The following CA5A variants were observed in gnomAD, a reference collection of about 807,000 sequenced individuals.
CA5A encodes carbonic anhydrase 5A, mitochondrial.
A neutral mutation model predicts 37.1 loss-of-function variants in CA5A; 28 were observed. The ratio of observed to expected loss-of-function variants is 0.75; its 90% CI spans 0.56 to 1.03. The LOEUF (loss-of-function observed/expected upper bound fraction) is 1.03. Ranked by LOEUF, CA5A falls within the 50% of genes least tolerant of loss-of-function variation. The probability of loss-of-function intolerance (pLI) is 0.00; values close to 1 mark genes in which losing one functional copy is unlikely to be tolerated. For missense variants in CA5A, 444 were observed against 399.9 expected (o/e 1.11, Z -0.94); for synonymous variants, 171 against 158.4 (o/e 1.08, Z -0.60).
At chr16:87,919,361 G>A (rs13338759) in intron 2 of CA5A, among the ~76,000 whole-genome samples, 2,380 of 152,330 alleles carry the variant, frequency 0.016, 60 homozygotes, top group African/African-American at 0.052. Context: ...CTCCAGGCGG[G>A]GTCACCCTCG....
intron 3 of CA5A, among the ~76,000 whole-genome samples, chr16:87,903,746 A>T (rs1375240690): frequency 6.6e-6 from 1 of 152,218 alleles, no homozygotes; most frequent in Non-Finnish European, 1.5e-5. Flanking sequence ...TTCAAAAAAC[A>T]GAAAGAGTCC....
At chr16:87,918,526 C>T (rs2056186888) in intron 2 of CA5A, among the ~76,000 whole-genome samples, 1 of 152,176 alleles carries the variant, frequency 6.6e-6, no homozygotes, top group Non-Finnish European at 1.5e-5. Flanking sequence ...CCCCCAGCTC[C>T]TAGGAAAACT....
At chr16:87,906,287 T>C (rs1296288732) in intron 2 of CA5A, among the ~76,000 whole-genome samples, 1 of 151,884 alleles carries the variant, frequency 6.6e-6, no homozygotes, top group African/African-American at 2.4e-5. Context: ...GCGTGATGAA[T>C]GCCTTGGGGA....
downstream of CA5A, chr16:87,884,202 G>A (rs2055630339): frequency 7.0e-6 from 1 of 143,730 alleles, no homozygotes; most frequent in Admixed American, 7.0e-5. Context: ...GATCACCTGA[G>A]GTCAGGAGTT....
chr16:87,900,889 C>T (rs1256234255), intron 5 of CA5A, among the ~76,000 whole-genome samples: 1 of 152,206 alleles, frequency 6.6e-6, no homozygotes, highest in Non-Finnish European at 1.5e-5. Flanking sequence ...TACCATCACC[C>T]AGGACAAGGC....
intron 2 of CA5A, among the ~76,000 whole-genome samples, chr16:87,909,424 A>G (rs1323991105): frequency 6.6e-6 from 1 of 152,168 alleles, no homozygotes; most frequent in South Asian, 2.1e-4. Flanking sequence ...ATGAGGAGGG[A>G]AGCGAAACGT....
intron 5 of CA5A, among the ~76,000 whole-genome samples, chr16:87,900,089 T>G (rs1968450632): frequency 6.6e-6 from 1 of 152,040 alleles, no homozygotes; most frequent in Admixed American, 6.6e-5. Flanking sequence ...AAATTCTGAC[T>G]TACCCCATGG....
chr16:87,936,263 A>G (rs1295114353), intron 1 of CA5A, 46 bp downstream of exon 1: 2 of 1,402,184 alleles, frequency 1.4e-6, no homozygotes, highest in Non-Finnish European at 2.0e-6. Context: ...CCATCAGCTA[A>G]GACAAGGATC....
chr16:87,911,430 T>G lies in CA5A; in HGVS notation c.341-6526A>C, dbSNP rs2056051038. ...TAGCCATCTATTTGTAGTTCGGGGC[T>G]TTTACCAAGATGAGCAGGCTTTTGG... On this transcript the variant is annotated intron_variant, in intron 2 of 6. Coordinates refer to ENST00000649794, the MANE Select transcript of CA5A (RefSeq NM_001739.2). This position sits in a 1 kb window ranked among gnomAD's most constrained non-coding sequence, Gnocchi z 4.6. 6.6e-6 allele frequency among the ~76,000 whole-genome samples: 1 copy of G among 152,204 alleles called. No individual in the cohort carries two copies. The highest frequency in any genetic ancestry group is 2.4e-5 in the African/African-American group (1 of 41,462).
chr16:87,884,090 T>C (rs997714679), downstream of CA5A: 3 of 151,758 alleles, frequency 2.0e-5, no homozygotes, highest in African/African-American at 4.8e-5. Flanking sequence ...ACTTTCTCTC[T>C]TCTGGCGGGA....
At chr16:87,932,429 C>A (rs1037613994) in intron 1 of CA5A, among the ~76,000 whole-genome samples, 1 of 152,218 alleles carries the variant, frequency 6.6e-6, no homozygotes, top group South Asian at 2.1e-4. Context: ...ATGAAACACC[C>A]GCATTGAACT....
At chr16:87,910,387 A>G (rs530732573) in intron 2 of CA5A, among the ~76,000 whole-genome samples, 1 of 152,290 alleles carries the variant, frequency 6.6e-6, no homozygotes, top group South Asian at 2.1e-4. Context: ...TGTGAGTCCA[A>G]CTTTGAGATG....
intron 2 of CA5A, among the ~76,000 whole-genome samples, chr16:87,920,298 TTTGTTTGTTTGTTTGA>T (rs1455578795): frequency 2.0e-5 from 3 of 151,988 alleles, no homozygotes; most frequent in South Asian, 2.1e-4. Flanking sequence ...GTCACTGTTT[TTTGTTTGTTTGTTTGA>T]TTGTTTGTTT....
intron 1 of CA5A, among the ~76,000 whole-genome samples, chr16:87,932,470 TG>T (rs780238479): frequency 6.6e-6 from 1 of 152,198 alleles, no homozygotes; most frequent in East Asian, 1.9e-4. Context: ...AAGGGCTCAT[TG>T]CCACCTGCAC....
intron 2 of CA5A, among the ~76,000 whole-genome samples, 189 bp from the exon 3 acceptor site, chr16:87,905,093 C>T (rs7193111): frequency 1.3e-5 from 2 of 151,944 alleles, no homozygotes; most frequent in East Asian, 1.9e-4. Flanking sequence ...CTCTGCCCCC[C>T]CCCAGCCCAG....
chr16:87,923,923 G>A (rs2056265273), intron 2 of CA5A: 1 of 984,652 alleles, frequency 1.0e-6, no homozygotes, highest in African/African-American at 1.7e-5. Flanking sequence ...AACTATTTTT[G>A]GTTTTTCAAT....
intron 5 of CA5A, among the ~76,000 whole-genome samples, chr16:87,894,879 T>C (rs2055779244): frequency 6.6e-6 from 1 of 151,700 alleles, no homozygotes; most frequent in South Asian, 2.1e-4. Flanking sequence ...AGACTCTGTC[T>C]CAAACAACAG....
intron 1 of CA5A, among the ~76,000 whole-genome samples, chr16:87,929,401 G>C (rs2056364667): frequency 6.9e-6 from 1 of 145,982 alleles, no homozygotes; most frequent in African/African-American, 2.6e-5. Flanking sequence ...GCAGTGAGCA[G>C]AGATGGCACC....
At chr16:87,909,398 G>T (rs961120390) in intron 2 of CA5A, among the ~76,000 whole-genome samples, 2 of 152,216 alleles carry the variant, frequency 1.3e-5, no homozygotes, top group African/African-American at 4.8e-5. Context: ...GGTCTCTCTG[G>T]CTCTATGATA....
Sources: gnomAD v4.1 joint callset for allele counts (sites outside exome capture counted in the v4.1 genomes callset) on GRCh38, gnomAD v4.1.1 for gene constraint, Gnocchi (gnomAD v3.1) non-coding constraint, MANE v1.5 for transcripts, NCBI Gene and HGNC (gene_info 2026-07-23, HGNC 2026-07-21) for gene names.